The following KIAA1328 variants were observed in gnomAD, a reference collection of about 807,000 sequenced individuals.
The protein encoded by KIAA1328 is KIAA1328.
Under a neutral mutation model 68.1 loss-of-function variants are expected in KIAA1328, and 52 were observed. That is an observed-to-expected ratio of 0.76 (90% CI 0.61 to 0.96). The LOEUF (loss-of-function observed/expected upper bound fraction) is 0.96. Ranked by LOEUF, KIAA1328 falls within the 40% of genes least tolerant of loss-of-function variation. The pLI is 0.00. For synonymous variants in KIAA1328, 232 were observed against 239.4 expected (o/e 0.97, Z 0.28); for missense variants, 641 against 677.6 (o/e 0.95, Z 0.60).
chr18:36,901,692 T>A (rs1426456152), intron 5 of KIAA1328, among the ~76,000 whole-genome samples: 1 of 152,042 alleles, frequency 6.6e-6, no homozygotes, highest in East Asian at 1.9e-4. Context: ...CAGTTCAAAA[T>A]GCAAGGTTGG....
intron 6 of KIAA1328, among the ~76,000 whole-genome samples, chr18:37,058,913 T>C (rs2056036599): frequency 6.6e-6 from 1 of 152,032 alleles, no homozygotes; most frequent in Admixed American, 6.5e-5. Context: ...TGTTTTTTTT[T>C]TCTTGGATAG....
chr18:37,219,220 C>G (rs1221584786), intron 9 of KIAA1328, among the ~76,000 whole-genome samples: 3 of 152,186 alleles, frequency 2.0e-5, no homozygotes, highest in African/African-American at 7.2e-5. Flanking sequence ...TCTCAAGGGG[C>G]ACCCAGCTGT....
intron 5 of KIAA1328, among the ~76,000 whole-genome samples, chr18:36,891,827 A>G (rs2151002436): frequency 2.0e-5 from 3 of 152,292 alleles, no homozygotes; most frequent in Middle Eastern, 3.4e-3. Context: ...GATACCCAGT[A>G]GTGGGATTGC....
intron 6 of KIAA1328, among the ~76,000 whole-genome samples, chr18:37,054,749 C>G (rs1371342933): frequency 6.6e-6 from 1 of 152,042 alleles, no homozygotes; most frequent in Admixed American, 6.6e-5. Context: ...CACTGGAAGC[C>G]AAAACCCAGC....
intron 4 of KIAA1328, among the ~76,000 whole-genome samples, chr18:36,880,474 C>A (rs2048293848): frequency 6.6e-6 from 1 of 152,144 alleles, no homozygotes; most frequent in African/African-American, 2.4e-5. Flanking sequence ...GCCATCTTGC[C>A]TGGAGATTTC....
At chr18:36,860,243 G>A (rs971654535) in intron 4 of KIAA1328, among the ~76,000 whole-genome samples, 1 of 152,052 alleles carries the variant, frequency 6.6e-6, no homozygotes, top group African/African-American at 2.4e-5. Flanking sequence ...AAGAATACAT[G>A]TTTTTGCTTG....
intron 7 of KIAA1328, among the ~76,000 whole-genome samples, chr18:37,093,129 A>C (rs767684838): frequency 4.6e-5 from 7 of 152,188 alleles, no homozygotes; most frequent in Non-Finnish European, 1.0e-4. Context: ...CAACACTATA[A>C]ATATATTTAT....
At chr18:37,152,563 T>C (rs1451112712) in intron 7 of KIAA1328, among the ~76,000 whole-genome samples, 1 of 152,094 alleles carries the variant, frequency 6.6e-6, no homozygotes, top group Non-Finnish European at 1.5e-5. Flanking sequence ...AGCCCAACAA[T>C]CCTTCGTTTT....
At chr18:37,102,594 C>A (rs895104474) in intron 7 of KIAA1328, among the ~76,000 whole-genome samples, 1 of 152,038 alleles carries the variant, frequency 6.6e-6, no homozygotes, top group Non-Finnish European at 1.5e-5. Context: ...TTAATAAACG[C>A]CATGTATGAC....
intron 6 of KIAA1328, among the ~76,000 whole-genome samples, chr18:36,999,296 T>A (rs1166515283): frequency 6.6e-6 from 1 of 152,184 alleles, no homozygotes; most frequent in Non-Finnish European, 1.5e-5. Context: ...ACACTGAATA[T>A]TTGAATTATC....
intron 9 of KIAA1328, among the ~76,000 whole-genome samples, chr18:37,216,628 T>C (rs1486819302): frequency 6.6e-6 from 1 of 152,216 alleles, no homozygotes; most frequent in Non-Finnish European, 1.5e-5. Flanking sequence ...TGGAGAGTTA[T>C]GTAGACATCT....
chr18:36,982,729 A>G (rs1433477723), intron 6 of KIAA1328, among the ~76,000 whole-genome samples: 1 of 152,034 alleles, frequency 6.6e-6, no homozygotes, highest in East Asian at 1.9e-4. Context: ...GGGTAAATAT[A>G]TAATATTTTT....
chr18:37,194,228 A>G (rs2059961608), intron 9 of KIAA1328, among the ~76,000 whole-genome samples: 1 of 152,226 alleles, frequency 6.6e-6, no homozygotes, highest in Non-Finnish European at 1.5e-5. Flanking sequence ...TGTATCATCT[A>G]CAATATTTGA....
chr18:37,231,604 G>C (rs2060664176), downstream of KIAA1328: 1 of 152,402 alleles, frequency 6.6e-6, no homozygotes, highest in South Asian at 2.1e-4. Context: ...GACAGGCCCT[G>C]TTCAAGATCT....
chr18:36,877,431 C>T (rs921789119), intron 4 of KIAA1328, among the ~76,000 whole-genome samples: 3 of 150,508 alleles, frequency 2.0e-5, no homozygotes, highest in African/African-American at 7.3e-5. Context: ...TAATGCCGTT[C>T]TTCGTCTTTT....
At chr18:36,846,113 T>C (rs2047019434) in intron 4 of KIAA1328, among the ~76,000 whole-genome samples, 1 of 151,668 alleles carries the variant, frequency 6.6e-6, no homozygotes, top group Non-Finnish European at 1.5e-5. Flanking sequence ...TTTTGTCTAC[T>C]CATACTTTGA....
At chr18:37,017,288 A>G (rs2054185481) in intron 6 of KIAA1328, among the ~76,000 whole-genome samples, 1 of 152,032 alleles carries the variant, frequency 6.6e-6, no homozygotes, top group Non-Finnish European at 1.5e-5. Flanking sequence ...TTCTGATATT[A>G]TAATAATTTC....
intron 6 of KIAA1328, among the ~76,000 whole-genome samples, chr18:36,995,475 G>C (rs938016467): frequency 6.6e-6 from 1 of 152,026 alleles, no homozygotes; most frequent in African/African-American, 2.4e-5. Flanking sequence ...ATCTTTTCCA[G>C]TTTCTCGGTC....
intron 6 of KIAA1328, among the ~76,000 whole-genome samples, chr18:37,026,685 A>G (rs1364317929): frequency 6.6e-6 from 1 of 152,236 alleles, no homozygotes; most frequent in Non-Finnish European, 1.5e-5. Context: ...CCTTCATGCT[A>G]AAACCTCTCA....
Sources: allele counts gnomAD v4.1 joint callset (sites outside exome capture counted in the v4.1 genomes callset), GRCh38; gene constraint gnomAD v4.1.1; transcripts MANE v1.5; gene names NCBI Gene and HGNC (gene_info 2026-07-23, HGNC 2026-07-21).